Variants in LGR6 observed in about 807,000 individuals in gnomAD.
LGR6 encodes leucine-rich repeat-containing G protein-coupled receptor 6.
A neutral mutation model predicts 69.4 loss-of-function variants in LGR6; 45 were observed. The ratio of observed to expected loss-of-function variants is 0.65; its 90% CI spans 0.51 to 0.83. LGR6 has a LOEUF of 0.83. LGR6 is among the 40% of genes least tolerant of loss of function. LGR6 has a pLI of 0.00. For missense variants in LGR6, 1,108 were observed against 1,246.7 expected (o/e 0.89, Z 1.68); for synonymous variants, 538 against 555.0 (o/e 0.97, Z 0.43).
chr1:202,274,865 G>A (rs1665409151), intron 4 of LGR6, among the ~76,000 whole-genome samples: 1 of 152,208 alleles, frequency 6.6e-6, no homozygotes, highest in Non-Finnish European at 1.5e-5. Flanking sequence ...ATGTGGGTGG[G>A]AAGTCTTTCC....
chr1:202,249,711 A>G (rs769433278), intron 4 of LGR6, among the ~76,000 whole-genome samples: 6 of 152,266 alleles, frequency 3.9e-5, no homozygotes, highest in African/African-American at 9.6e-5. Context: ...GCATCCAATC[A>G]ATCAAGTCCC....
chr1:202,318,439 G>A lies in LGR6; in HGVS notation c.2136G>A (p.Gly712=), dbSNP rs1298403079. 1.9e-6 allele frequency: 3 copies of A among 1,612,058 alleles called. No individual in the cohort carries two copies. The highest frequency in any genetic ancestry group is 4.5e-5 in the East Asian group (2 of 44,882). ...CCCTGGCCTCAGTGGGAGAATACGG[G>A]GCCTCCCCACTCTGCCTGCCCTACG... ...ALPLASVGEY[G]ASPLCLPYAP... The change falls in exon 18 of 18, where the codon GGG becomes GGA. Residue 712 remains glycine (G), a synonymous_variant. Coordinates refer to ENST00000367278, the MANE Select transcript of LGR6 (RefSeq NM_001017403.2).
intron 4 of LGR6, among the ~76,000 whole-genome samples, chr1:202,262,495 T>C (rs1007106458): frequency 6.6e-6 from 1 of 152,150 alleles, no homozygotes; most frequent in Non-Finnish European, 1.5e-5. Flanking sequence ...ACTGTAGCCT[T>C]GTAGTATAGT....
intron 6 of LGR6, among the ~76,000 whole-genome samples, chr1:202,292,010 G>T (rs748468387): frequency 6.6e-6 from 1 of 152,200 alleles, no homozygotes; most frequent in African/African-American, 2.4e-5. Flanking sequence ...GGATGACTAG[G>T]ATTTTAACAG....
At chr1:202,252,369 C>T (rs1420741833) in intron 4 of LGR6, among the ~76,000 whole-genome samples, 1 of 152,182 alleles carries the variant, frequency 6.6e-6, no homozygotes, top group Middle Eastern at 3.2e-3. Context: ...AGAATAATTC[C>T]ATCTGACTCT....
At chr1:202,285,907 G>A (rs530270405) in intron 6 of LGR6, among the ~76,000 whole-genome samples, 28 of 152,274 alleles carry the variant, frequency 1.8e-4, no homozygotes, top group East Asian at 1.2e-3. Flanking sequence ...GGTTTGAGGC[G>A]GAATCTATTC....
At chr1:202,315,485 T>A (rs1327987623) in intron 17 of LGR6, among the ~76,000 whole-genome samples, 1 of 152,260 alleles carries the variant, frequency 6.6e-6, no homozygotes, top group Non-Finnish European at 1.5e-5. Context: ...TCTTTCTCTT[T>A]GGTGCAATTC....
At chr1:202,271,348 G>A (rs533726023) in intron 4 of LGR6, among the ~76,000 whole-genome samples, 2 of 152,274 alleles carry the variant, frequency 1.3e-5, no homozygotes, top group African/African-American at 4.8e-5. Flanking sequence ...AGGGGAGCCT[G>A]AACCCTGACT....
chr1:202,214,299 G>A lies in LGR6; in HGVS notation c.213-11124G>A. On this transcript the variant is annotated intron_variant, in intron 1 of 17. Transcript: ENST00000367278. ...TCCACAGGTCCTCCGCAGCCCTGGG[G>A]AGCAGGACCCAGAAACCGACGCGAC... 4 of 1,445,722 alleles carry A rather than the reference G, an allele frequency of 2.8e-6. No individual in the cohort carries two copies. The South Asian group carries it at 4.2e-5, about 15-fold the overall frequency. 89.6% of individuals were successfully genotyped at this position (1,445,722 alleles called of 1,614,324 possible).
chr1:202,205,900 A>AACAC (rs200390727), intron 1 of LGR6, among the ~76,000 whole-genome samples: 2 of 137,584 alleles, frequency 1.5e-5, no homozygotes, highest in Non-Finnish European at 3.2e-5. Flanking sequence ...ACACACACCT[A>AACAC]ACACACACAC....
chr1:202,244,823 G>A (rs773986730), intron 4 of LGR6, among the ~76,000 whole-genome samples: 3 of 152,214 alleles, frequency 2.0e-5, no homozygotes, highest in African/African-American at 4.8e-5. Context: ...AGAGCACTTG[G>A]GGGTAAGAAG....
At chr1:202,220,304 G>A (rs1230634559) in intron 1 of LGR6, among the ~76,000 whole-genome samples, 5 of 151,612 alleles carry the variant, frequency 3.3e-5, no homozygotes, top group East Asian at 3.9e-4. Flanking sequence ...TGCAACCTCC[G>A]CCTCCTGAGT....
At chr1:202,271,864 C>T (rs908093456) in intron 4 of LGR6, among the ~76,000 whole-genome samples, 3 of 150,574 alleles carry the variant, frequency 2.0e-5, no homozygotes, top group African/African-American at 7.3e-5. Context: ...TTAATAGAAG[C>T]CAATACTGCG....
intron 4 of LGR6, among the ~76,000 whole-genome samples, chr1:202,257,731 A>G (rs1380972799): frequency 1.3e-5 from 2 of 152,106 alleles, no homozygotes; most frequent in Non-Finnish European, 2.9e-5. Flanking sequence ...TAGCTTTGTA[A>G]TAAGTTTTGA....
chr1:202,296,827 A>G (rs1438933045), intron 6 of LGR6, among the ~76,000 whole-genome samples: 1 of 152,224 alleles, frequency 6.6e-6, no homozygotes, highest in Non-Finnish European at 1.5e-5. Flanking sequence ...GTTATCAAAT[A>G]GTTTCTAAAG....
chr1:202,265,980 A>G (rs1285132893), intron 4 of LGR6, among the ~76,000 whole-genome samples: 2 of 152,082 alleles, frequency 1.3e-5, no homozygotes, highest in Non-Finnish European at 2.9e-5. Context: ...TCTATCGACC[A>G]TCTTTCCCAG....
intron 4 of LGR6, among the ~76,000 whole-genome samples, chr1:202,251,082 G>A (rs1289241938): frequency 1.3e-5 from 2 of 152,144 alleles, no homozygotes; most frequent in African/African-American, 4.8e-5. Flanking sequence ...AGTAAAAGCA[G>A]GAAAGCTACC....
At chr1:202,302,417 C>T (rs756305576) in intron 9 of LGR6, among the ~76,000 whole-genome samples, 1 of 152,152 alleles carries the variant, frequency 6.6e-6, no homozygotes, top group African/African-American at 2.4e-5. Flanking sequence ...GGGCTTTTCA[C>T]AACACTCAAT....
intron 4 of LGR6, among the ~76,000 whole-genome samples, chr1:202,274,980 T>A (rs761234181): frequency 6.6e-5 from 10 of 152,182 alleles, no homozygotes; most frequent in Non-Finnish European, 1.0e-4. Flanking sequence ...CTAGGGAGTG[T>A]TTCCCAGTGG....
Sources: gnomAD v4.1 joint callset for allele counts (sites outside exome capture counted in the v4.1 genomes callset) on GRCh38, gnomAD v4.1.1 for gene constraint, MANE v1.5 for transcripts, NCBI Gene and HGNC (gene_info 2026-07-23, HGNC 2026-07-21) for gene names.